PHC2: variants seen among roughly 807,000 people sequenced by gnomAD.
PHC2 encodes polyhomeotic-like protein 2.
In PHC2, 29 loss-of-function variants were observed where a neutral mutation model predicts 87.4. That is an observed-to-expected ratio of 0.33 (90% CI 0.25 to 0.45). The LOEUF is 0.45. PHC2 is among the 20% of genes least tolerant of loss of function. PHC2 has a pLI of 1.00. For missense variants in PHC2, 857 were observed against 1,136.7 expected (o/e 0.75, Z 3.54); for synonymous variants, 438 against 461.7 (o/e 0.95, Z 0.66).
chr1:33,353,768 G>T (rs1647017210), intron 9 of PHC2, among the ~76,000 whole-genome samples: 1 of 152,196 alleles, frequency 6.6e-6, no homozygotes, highest in South Asian at 2.1e-4. Flanking sequence ...AGAGGGGAAG[G>T]GAAGCAAATA....
intron 1 of PHC2, among the ~76,000 whole-genome samples, chr1:33,420,845 A>G (rs908862113): frequency 5.9e-5 from 9 of 152,100 alleles, no homozygotes; most frequent in Non-Finnish European, 2.9e-5. Flanking sequence ...TCTTGAGCTC[A>G]AGTGATCCTC....
At position 33,329,017 on chromosome 1, in the gene PHC2, T is replaced by C. The variant is rs1436600194; in HGVS notation, c.2278A>G (p.Thr760Ala). The C allele has an allele frequency of 1.2e-6, 2 of 1,614,174 alleles. No homozygotes were observed. The highest frequency in any genetic ancestry group is 2.2e-5 in the East Asian group (1 of 44,884). ...CGCTGGCCTTGTCGCCGGCGGGAAG[T>C]AGATGAGCTGGCTGAGATGGGTGAC... ...PLSPISASSSTSRRRQGQRDL... is the reference protein window; with the variant it reads ...PLSPISASSSASRRRQGQRDL... Residue 760 changes from threonine (T) to alanine (A), a missense_variant, in exon 14 of 15, where the codon ACT (threonine) becomes GCT (alanine). By Grantham distance (58) the Thr-to-Ala change is moderately conservative (BLOSUM62 0). This residue lies in a region of PHC2 where 832 missense variants were observed against 1,081.8 expected (regional missense o/e 0.77). Transcript: ENST00000683057.
chr1:33,393,181 G>A (rs147796582), intron 1 of PHC2, among the ~76,000 whole-genome samples: 94 of 152,188 alleles, frequency 6.2e-4, no homozygotes, highest in African/African-American at 2.1e-3. Flanking sequence ...GATAACTGGC[G>A]CCCAGAGCAA....
Position 33,411,849 on chromosome 1 carries a change from C to T in PHC2, c.-55+19127G>A, listed in dbSNP as rs1039347967. Among the ~76,000 whole-genome samples the T allele has an allele frequency of 5.3e-5, 8 of 152,106 alleles. No homozygotes were observed. In the East Asian group the frequency reaches 5.8e-4, roughly 11 times the overall value. On this transcript the variant is annotated intron_variant, in intron 1 of 14. Transcript: ENST00000683057. The stretch of plus-strand genomic sequence containing the variant: ...GCTGGGATTACAGGCATGAGCCATT[C>T]GCACCGGGCCTGATCATCTTTATAG...
rs577385281 is a variant in PHC2 at position 33,426,802 on chromosome 1, TTCAGGAGGTAGTACAGATACCC to T, written c.-55+4152_-55+4173del. Among the ~76,000 whole-genome samples the T allele has an allele frequency of 2.8e-3, 420 of 152,264 alleles. 1 individual carries two copies. The highest frequency in any genetic ancestry group is 9.3e-3 in the African/African-American group (385 of 41,554). On this transcript the variant is annotated intron_variant, in intron 1 of 14. Coordinates refer to ENST00000683057, the MANE Select transcript of PHC2 (RefSeq NM_001385109.1). Reference sequence around the variant, plus strand: ...CCACAGCACAAAATGCTTTCCTACCTTCAGGAGGTAGTACAGATACCCTCAGGAGGTAGTACAGATACCTTCA... The same window carrying T: ...CCACAGCACAAAATGCTTTCCTACCTTCAGGAGGTAGTACAGATACCTTCA...
chr1:33,356,879 GC>G (rs879854160), intron 7 of PHC2, among the ~76,000 whole-genome samples: 3 of 151,750 alleles, frequency 2.0e-5, no homozygotes, highest in Admixed American at 6.6e-5. Flanking sequence ...AGGCAGAGGC[GC>G]CCCCCCACCT....
intron 1 of PHC2, among the ~76,000 whole-genome samples, chr1:33,380,680 T>G (rs1326521619): frequency 2.6e-5 from 4 of 152,232 alleles, no homozygotes; most frequent in Non-Finnish European, 5.9e-5. Context: ...CTGTTGGGTA[T>G]AACCTAGCAG....
chr1:33,429,267 T>C (rs1650805925), intron 1 of PHC2, among the ~76,000 whole-genome samples: 1 of 152,016 alleles, frequency 6.6e-6, no homozygotes, highest in Non-Finnish European at 1.5e-5. Flanking sequence ...GGGGAAAATA[T>C]GGGGGAGAAA....
At chr1:33,326,155 C>T (rs1486442770) in intron 14 of PHC2, 1 of 253,262 alleles carries the variant, frequency 3.9e-6, no homozygotes, top group Admixed American at 4.9e-5. Context: ...TACTGCTGCT[C>T]ACAGTAAAAT....
intron 1 of PHC2, among the ~76,000 whole-genome samples, chr1:33,391,189 T>C (rs939341438): frequency 6.6e-6 from 1 of 152,212 alleles, no homozygotes; most frequent in Non-Finnish European, 1.5e-5. Context: ...ATCCCCAGAC[T>C]TCTGAGGCTG....
chr1:33,361,435 G>A (rs1294388942), intron 7 of PHC2, among the ~76,000 whole-genome samples: 11 of 152,264 alleles, frequency 7.2e-5, no homozygotes, highest in Middle Eastern at 3.4e-3. Flanking sequence ...CCGCCTCCTC[G>A]GTTCAAGCAA....
chr1:33,430,676 C>A (rs1209286404), intron 1 of PHC2, among the ~76,000 whole-genome samples: 4 of 151,904 alleles, frequency 2.6e-5, no homozygotes. Context: ...AGGCTCTCCG[C>A]AGCCCTCCTC....
At chr1:33,348,942 G>T in intron 9 of PHC2, 1 of 433,862 alleles carries the variant, frequency 2.3e-6, no homozygotes, top group Non-Finnish European at 3.1e-6. Flanking sequence ...CGTCGCCACT[G>T]GTTTGCAACC....
At chr1:33,348,367 A>T (rs188988239) in intron 9 of PHC2, among the ~76,000 whole-genome samples, 3,826 of 152,324 alleles carry the variant, frequency 0.025, 70 homozygotes, top group Middle Eastern at 0.092. Flanking sequence ...ATGCTGACCT[A>T]GAAATCCTGG....
At chr1:33,333,726 T>C (rs1646558119) in intron 10 of PHC2, 1 of 233,730 alleles carries the variant, frequency 4.3e-6, no homozygotes, top group Admixed American at 6.1e-5. Flanking sequence ...CATTCAGAGG[T>C]TTTGGCATTC....
chr1:33,355,203 G>A lies in PHC2; in HGVS notation c.1027C>T (p.His343Tyr), dbSNP rs1181870496. The A allele has an allele frequency of 8.1e-6, 13 of 1,603,298 alleles. No individual in the cohort carries two copies. Among genetic ancestry groups the A allele is most frequent in the Non-Finnish European group, 9.4e-6 (11 of 1,174,354 alleles). Residue 343 changes from histidine to tyrosine, a missense_variant, in exon 8 of 15, where the codon CAC (histidine) becomes TAC (tyrosine). Around this residue, in one of 3 missense-constraint regions of PHC2, gnomAD observed 832 missense variants for 1,081.8 expected, o/e 0.77. Coordinates refer to ENST00000683057, the MANE Select transcript of PHC2 (RefSeq NM_001385109.1). ...HQLLPQPSSK[H>Y]LQPQFVIQQQ... ...TGGATCACAAATTGGGGCTGCAGGTGCTTTGAGGATGGCTGTGGGAGGAGC... is the reference window on the plus strand; with the variant it reads ...TGGATCACAAATTGGGGCTGCAGGTACTTTGAGGATGGCTGTGGGAGGAGC...
chr1:33,346,606 T>TG, intron 9 of PHC2: 3 of 985,460 alleles, frequency 3.0e-6, no homozygotes, highest in East Asian at 1.1e-4. Context: ...GTACTAATGA[T>TG]GAGCAGCATT....
At chr1:33,417,642 A>G (rs10753283) in intron 1 of PHC2, among the ~76,000 whole-genome samples, 109,243 of 151,990 alleles carry the variant, frequency 0.72, 40,088 homozygotes, top group African/African-American at 0.87. Flanking sequence ...AAGAACTGAT[A>G]GCACTAAAAG....
intron 1 of PHC2, among the ~76,000 whole-genome samples, chr1:33,383,415 A>G (rs993565501): frequency 5.9e-5 from 9 of 152,274 alleles, no homozygotes; most frequent in African/African-American, 1.7e-4. Context: ...AGTCCTAGCA[A>G]TCCAAACAGA....
Sources: allele counts gnomAD v4.1 joint callset (sites outside exome capture counted in the v4.1 genomes callset), GRCh38; gene constraint gnomAD v4.1.1; regional missense constraint gnomAD v4.1.1; transcripts MANE v1.5; gene names NCBI Gene and HGNC (gene_info 2026-07-23, HGNC 2026-07-21).